The following WEE2 variants were observed in gnomAD, a reference collection of about 807,000 sequenced individuals.
WEE2 encodes wee1-like protein kinase 2.
In WEE2, 50 loss-of-function variants were observed where a neutral mutation model predicts 60.1. That is an observed-to-expected ratio of 0.83 (90% CI 0.66 to 1.05). The LOEUF (loss-of-function observed/expected upper bound fraction) is 1.05. WEE2 is among the 50% of genes least tolerant of loss of function. The probability of loss-of-function intolerance (pLI) is 0.00; values close to 1 mark genes in which losing one functional copy is unlikely to be tolerated. For synonymous variants in WEE2, 240 were observed against 241.0 expected (o/e 1.00, Z 0.04); for missense variants, 631 against 684.3 (o/e 0.92, Z 0.87).
intron 6 of WEE2, 33 bp downstream of exon 6, chr7:141,723,313 T>C (rs1183595284): frequency 6.2e-7 from 1 of 1,605,594 alleles, no homozygotes; most frequent in Non-Finnish European, 8.5e-7. Flanking sequence ...ACTTCTACCG[T>C]ATTTTGTTCT....
chr7:141,723,813 C>A (rs1798963510), intron 6 of WEE2, 128 bp from the exon 7 acceptor site: 4 of 602,920 alleles, frequency 6.6e-6, no homozygotes, highest in South Asian at 2.4e-5. Flanking sequence ...AAAAAAAAAA[C>A]CTTAGTAGTC....
chr7:141,720,118 T>A (rs1291448659), intron 4 of WEE2, among the ~76,000 whole-genome samples: 2 of 150,778 alleles, frequency 1.3e-5, no homozygotes, highest in Admixed American at 1.3e-4. Context: ...AATTGCAGGT[T>A]TTATACAGGT....
Position 141,714,244 on chromosome 7 carries a change from G to C in WEE2, c.378G>C (p.Gly126=), listed in dbSNP as rs765655063. The C allele has an allele frequency of 6.2e-7, 1 of 1,612,938 alleles. No homozygotes were observed. The highest frequency in any genetic ancestry group is 8.5e-7 in the Non-Finnish European group (1 of 1,179,616). ...GCCGGTTGGTGATTTCTCCAACAGG[G>C]AAGCTTCCTTCCAGAGGCCCTAAGC... ...MLSRLVISPT[G]KLPSRGPKHL... The change falls in exon 2 of 12, where the codon GGG becomes GGC. Residue 126 remains glycine, a synonymous_variant. Coordinates refer to ENST00000397541, the MANE Select transcript of WEE2 (RefSeq NM_001105558.1).
chr7:141,729,791 A>C lies in WEE2; in HGVS notation c.1678+118A>C, dbSNP rs1044514492. 39 of 1,194,682 alleles carry C rather than the reference A, an allele frequency of 3.3e-5. No individual in the cohort carries two copies. The African/African-American group carries it at 5.4e-4, about 17-fold the overall frequency. 74.0% of individuals were successfully genotyped at this position (1,194,682 alleles called of 1,614,324 possible). A position where few individuals can be genotyped will look rare whatever the true frequency, so the allele number is the denominator to read the frequency against. Reference sequence around the variant, plus strand: ...ATCATGAGGTCAGGAGATCGAAACCATCCTGGCTAACACGGTGAAACCCCA... The same window carrying C: ...ATCATGAGGTCAGGAGATCGAAACCCTCCTGGCTAACACGGTGAAACCCCA... On this transcript the variant is annotated intron_variant, in intron 11 of 11. Transcript: ENST00000397541.
At chr7:141,727,471 C>A (rs781569927) in intron 10 of WEE2, 25 bp downstream of exon 10, 2 of 1,612,604 alleles carry the variant, frequency 1.2e-6, no homozygotes, top group Non-Finnish European at 8.5e-7. Flanking sequence ...GATGGGGGGT[C>A]AAGAAAGAAT....
rs186129988 is a variant in WEE2, at chr7:141,723,067, T to C, written c.881-67T>C. ...ATACCCTGAAGATATAGGAGGCCAATTGTATTTACTATGCTTTCATCTATA... is the reference window on the plus strand; with the variant it reads ...ATACCCTGAAGATATAGGAGGCCAACTGTATTTACTATGCTTTCATCTATA... On this transcript the variant is annotated intron_variant, in intron 5 of 11. Coordinates refer to ENST00000397541, the MANE Select transcript of WEE2 (RefSeq NM_001105558.1). The C allele has an allele frequency of 6.4e-5, 102 of 1,585,698 alleles. No homozygotes were observed. In the East Asian group the frequency reaches 2.1e-3, roughly 33 times the overall value.
rs1230181232 is a variant in WEE2 at position 141,719,230 on chromosome 7, A to G, written c.744A>G (p.Thr248=). The G allele has an allele frequency of 1.2e-6, 2 of 1,608,122 alleles. No individual in the cohort carries two copies. The highest frequency in any genetic ancestry group is 1.7e-6 in the Non-Finnish European group (2 of 1,177,358). ...TAAAGCGCTCTATGAAAACTTTTACAGAATTATCAAATGAGTGAGTACCTT... is the reference window on the plus strand; with the variant it reads ...TAAAGCGCTCTATGAAAACTTTTACGGAATTATCAAATGAGTGAGTACCTT... The part of the protein sequence containing the change: ...YAIKRSMKTF[T]ELSNENSALH... The change falls in exon 4 of 12, where the codon ACA becomes ACG. Residue 248 remains threonine, a synonymous_variant. Transcript: ENST00000397541.
chr7:141,719,288 G>A (rs778744282), intron 4 of WEE2, 44 bp downstream of exon 4: 5 of 1,515,538 alleles, frequency 3.3e-6, no homozygotes, highest in African/African-American at 1.4e-5. Context: ...CTTAGATTTG[G>A]AGAGTTGTTT....
chr7:141,729,046 G>A (rs923881729), intron 10 of WEE2, among the ~76,000 whole-genome samples: 1 of 152,196 alleles, frequency 6.6e-6, no homozygotes, highest in African/African-American at 2.4e-5. Flanking sequence ...TCTGTGACGG[G>A]CTAGAGAGTA....
At chr7:141,728,590 C>T (rs370868751) in intron 10 of WEE2, among the ~76,000 whole-genome samples, 86 of 152,296 alleles carry the variant, frequency 5.6e-4, no homozygotes, top group African/African-American at 2.0e-3. Flanking sequence ...TATGGAGACA[C>T]AGGTGACTAT....
In WEE2 at chr7:141,724,266, T is replaced by C; in HGVS notation, c.1212T>C (p.Ile404=). 2.5e-6 allele frequency: 4 copies of C among 1,613,580 alleles called. No homozygotes were observed. Among genetic ancestry groups the C allele is most frequent in the Non-Finnish European group, 3.4e-6 (4 of 1,179,830 alleles). The change falls in exon 8 of 12, where the codon ATT becomes ATC. Residue 404 remains isoleucine, a synonymous_variant. Coordinates refer to ENST00000397541, the MANE Select transcript of WEE2 (RefSeq NM_001105558.1). ...ATAGTCGCTTCCTGGCTAATGAGATTTTGCAAGAGGTATAGATTAGGGAAA... is the reference window on the plus strand; with the variant it reads ...ATAGTCGCTTCCTGGCTAATGAGATCTTGCAAGAGGTATAGATTAGGGAAA... ...EGDSRFLANE[I]LQEDYRHLPK... is the part of the protein sequence containing the mutation.
At chr7:141,724,816 C>G (rs1167618711) in intron 8 of WEE2, among the ~76,000 whole-genome samples, 1 of 152,210 alleles carries the variant, frequency 6.6e-6, no homozygotes, top group Non-Finnish European at 1.5e-5. Context: ...TAAGTTTCTG[C>G]CTTGGACTCC....
chr7:141,729,609 C>T lies in WEE2; in HGVS notation c.1614C>T (p.His538=). 1 of 1,614,164 alleles carries T rather than the reference C, an allele frequency of 6.2e-7. No individual in the cohort carries two copies. The highest frequency in any genetic ancestry group is 8.5e-7 in the Non-Finnish European group (1 of 1,180,036). Residue 538 remains histidine (H), a synonymous_variant, in exon 11 of 12, where the codon CAC becomes CAT. Transcript: ENST00000397541. ...HHGDTGVSGT[H]TGSRSTKRLV... ...GTGACACTGGGGTCTCTGGGACCCA[C>T]ACAGGATCAAGAAGCACAAAACGCC...
chr7:141,723,485 C>T (rs1312637315), intron 6 of WEE2, among the ~76,000 whole-genome samples: 3 of 152,026 alleles, frequency 2.0e-5, no homozygotes, highest in South Asian at 4.1e-4. Flanking sequence ...AGACTCTTAC[C>T]CATATAGTAG....
chr7:141,717,448 C>G (rs1412080346), intron 3 of WEE2, among the ~76,000 whole-genome samples: 1 of 152,122 alleles, frequency 6.6e-6, no homozygotes, highest in Non-Finnish European at 1.5e-5. Context: ...TAATTTATCT[C>G]TTGATTTCAG....
intron 10 of WEE2, among the ~76,000 whole-genome samples, chr7:141,728,362 C>T (rs1248917530): frequency 6.6e-6 from 1 of 152,160 alleles, no homozygotes; most frequent in African/African-American, 2.4e-5. Flanking sequence ...TTTGAAGCAT[C>T]CCTAACCTGA....
chr7:141,719,465 TTTTG>T (rs766784467), intron 4 of WEE2, among the ~76,000 whole-genome samples: 89 of 152,260 alleles, frequency 5.8e-4, no homozygotes, highest in Middle Eastern at 6.8e-3. Flanking sequence ...CATGATGTGT[TTTTG>T]TTTGTTTGTT....
At chr7:141,724,070 A>G in intron 7 of WEE2, 22 bp downstream of exon 7, 3 of 1,588,366 alleles carry the variant, frequency 1.9e-6, no homozygotes, top group Non-Finnish European at 2.6e-6. Flanking sequence ...TTATAGCCTT[A>G]CCAGTTACCA....
chr7:141,724,357 A>T, intron 8 of WEE2, 82 bp downstream of exon 8: 1 of 1,190,522 alleles, frequency 8.4e-7, no homozygotes, highest in Non-Finnish European at 1.2e-6. Context: ...GCAAAAAATT[A>T]AAACTGTATA....
Sources: gnomAD v4.1 joint callset for allele counts (sites outside exome capture counted in the v4.1 genomes callset) on GRCh38, gnomAD v4.1.1 for gene constraint, MANE v1.5 for transcripts, NCBI Gene and HGNC (gene_info 2026-07-23, HGNC 2026-07-21) for gene names.